The following RBM45 variants were observed in gnomAD, a reference collection of about 807,000 sequenced individuals.
RBM45 encodes RNA-binding protein 45.
A neutral mutation model predicts 58.5 loss-of-function variants in RBM45; 39 were observed. The ratio of observed to expected loss-of-function variants is 0.67; its 90% CI spans 0.52 to 0.87. The LOEUF is 0.87. Ranked by LOEUF, RBM45 falls within the 40% of genes least tolerant of loss-of-function variation. RBM45 has a pLI of 0.00. For missense variants in RBM45, 481 were observed against 581.6 expected (o/e 0.83, Z 1.78); for synonymous variants, 193 against 203.0 (o/e 0.95, Z 0.42).
chr2:178,131,464 G>A (rs907515952), downstream of RBM45, among the ~76,000 whole-genome samples: 2 of 152,150 alleles, frequency 1.3e-5, no homozygotes, highest in African/African-American at 4.8e-5. Context: ...TTCTAGGAGA[G>A]CTTGAATCTG....
downstream of RBM45, among the ~76,000 whole-genome samples, chr2:178,134,570 G>GT (rs67918616): frequency 0.33 from 49,364 of 149,182 alleles, 8,271 homozygotes; most frequent in African/African-American, 0.39. Flanking sequence ...TGCTTGCTCT[G>GT]TTTTTTTTTG....
intron 9 of RBM45, among the ~76,000 whole-genome samples, chr2:178,127,994 C>CTTTTT (rs3067447): frequency 2.8e-5 from 2 of 72,530 alleles, no homozygotes; most frequent in East Asian, 4.5e-4. Context: ...TCTCTACGCC[C>CTTTTT]TTTTTTTTTT....
intron 8 of RBM45, chr2:178,125,694 TAGAA>T (rs1231630128): frequency 8.9e-6 from 5 of 562,652 alleles, no homozygotes; most frequent in African/African-American, 5.6e-5. Context: ...ATTTATGTTT[TAGAA>T]AGATCACTCA....
chr2:178,134,973 C>T (rs572050706), intron 3 of RBM45, among the ~76,000 whole-genome samples: 12 of 152,282 alleles, frequency 7.9e-5, no homozygotes, highest in African/African-American at 2.9e-4. Context: ...CGCCACTGCA[C>T]TCCAGCCTGG....
At chr2:178,138,699 A>C (rs1319603958) in exon 4 of RBM45, 1 of 152,198 alleles carries the variant, frequency 6.6e-6, no homozygotes, top group African/African-American at 2.4e-5. Context: ...GTCGGTGAGT[A>C]TTGAAATCAT....
rs756855717 is a variant in RBM45 at position 178,118,074 on chromosome 2, A to T, written c.443A>T (p.Tyr148Phe). ...TCTTAGGTGTATGGAGATATCGAGT[A>T]TTGCAGCATTATTAAGAATAAAGTG... ...EKFKVYGDIE[Y>F]CSIIKNKVTG... is the part of the protein sequence containing the mutation. The change falls in exon 3 of 10, where the codon TAT becomes TTT. Residue 148 changes from tyrosine to phenylalanine, a missense_variant. Physicochemically the swap from Tyr to Phe is conservative, Grantham distance 22. Coordinates refer to ENST00000286070, the MANE Select transcript of RBM45 (RefSeq NM_152945.4). The T allele has an allele frequency of 6.2e-7, 1 of 1,611,442 alleles. No homozygotes were observed. Among genetic ancestry groups the T allele is most frequent in the African/African-American group, 1.3e-5 (1 of 74,958 alleles).
At chr2:178,127,034 A>T (rs907435472) in intron 9 of RBM45, among the ~76,000 whole-genome samples, 1 of 151,888 alleles carries the variant, frequency 6.6e-6, no homozygotes, top group Admixed American at 6.6e-5. Context: ...CCTCCTGGAT[A>T]CAAGTGATTC....
At chr2:178,121,403 TACACACACACACACACACACACACAC>T (rs55710214) in intron 5 of RBM45, 44 bp downstream of exon 5, 2 of 593,380 alleles carry the variant, frequency 3.4e-6, no homozygotes, top group East Asian at 3.6e-5. Flanking sequence ...TATGTATATA[TACACACACACACACACACACACACAC>T]ACACACACAC....
intron 3 of RBM45, among the ~76,000 whole-genome samples, chr2:178,135,147 A>G (rs2088035246): frequency 6.6e-6 from 1 of 152,244 alleles, no homozygotes; most frequent in Admixed American, 6.5e-5. Context: ...TCGTAACTTA[A>G]TACAAGTGCC....
Position 178,127,056 on chromosome 2 carries a change from C to G in RBM45, c.*8+872C>G, listed in dbSNP as rs373429438. On this transcript the variant is annotated intron_variant, in intron 9 of 9. Transcript: ENST00000286070. ...GATACAAGTGATTCTTCTGCCTCAG[C>G]TTCCCCAGTAGCTGGGACTACAGGC... is the stretch of plus-strand genomic sequence containing the variant. Among the ~76,000 whole-genome samples, 11 of 152,256 alleles carry G rather than the reference C, an allele frequency of 7.2e-5. No homozygotes were observed. The East Asian group carries it at 1.7e-3, about 24-fold the overall frequency.
chr2:178,120,373 T>C lies in RBM45; in HGVS notation c.637T>C (p.Leu213=), dbSNP rs746126129. ...DYYSNMRQEA[L]GHEPRVNMFP... ...TTATAGTAATATGAGGCAAGAAGCTTTGGGACATGAACCTAGAGTAAATAT... is the reference window on the plus strand; with the variant it reads ...TTATAGTAATATGAGGCAAGAAGCTCTGGGACATGAACCTAGAGTAAATAT... The change falls in exon 4 of 10, where the codon TTG becomes CTG. Residue 213 remains leucine (L), a synonymous_variant. Coordinates refer to ENST00000286070, the MANE Select transcript of RBM45 (RefSeq NM_152945.4). 6.2e-7 allele frequency: 1 copy of C among 1,613,042 alleles called. No individual in the cohort carries two copies. The highest frequency in any genetic ancestry group is 1.3e-5 in the African/African-American group (1 of 74,882).
At chr2:178,133,608 A>G (rs2088022027), downstream of RBM45, among the ~76,000 whole-genome samples, 1 of 152,222 alleles carries the variant, frequency 6.6e-6, no homozygotes, top group Non-Finnish European at 1.5e-5. Context: ...AACTTTCAAT[A>G]GCTTTAATAA....
intron 9 of RBM45, among the ~76,000 whole-genome samples, chr2:178,127,412 A>G (rs981404252): frequency 6.6e-5 from 10 of 152,058 alleles, no homozygotes; most frequent in African/African-American, 2.2e-4. Flanking sequence ...TTTCTGACCA[A>G]TTGTGTGAGC....
Position 178,120,417 on chromosome 2 carries a change from G to A in RBM45, c.673+8G>A, listed in dbSNP as rs989419773. The A allele has an allele frequency of 1.9e-6, 3 of 1,605,926 alleles. No homozygotes were observed. The highest frequency in any genetic ancestry group is 2.5e-6 in the Non-Finnish European group (3 of 1,177,766). Reference sequence around the variant, plus strand: ...TAAATATGTTTCCATTTGGTAAGTAGGCAACCTTTACTTTTAATAGTATAA... The same window carrying A: ...TAAATATGTTTCCATTTGGTAAGTAAGCAACCTTTACTTTTAATAGTATAA... On this transcript the variant is annotated splice_region_variant and intron_variant, in intron 4 of 9. Transcript: ENST00000286070.
chr2:178,119,244 T>A (rs1368949948), intron 3 of RBM45, among the ~76,000 whole-genome samples: 1 of 152,160 alleles, frequency 6.6e-6, no homozygotes, highest in Non-Finnish European at 1.5e-5. Context: ...AAAATGTTCA[T>A]AAGTGTATGG....
chr2:178,138,545 C>A (rs334066), exon 4 of RBM45: 1 of 151,960 alleles, frequency 6.6e-6, no homozygotes, highest in Non-Finnish European at 1.5e-5. Flanking sequence ...GCCCAAGATT[C>A]CTCTACTCAT....
At chr2:178,130,592 C>CA (rs201085781), downstream of RBM45, among the ~76,000 whole-genome samples, 23 of 150,154 alleles carry the variant, frequency 1.5e-4, no homozygotes, top group South Asian at 6.3e-4. Flanking sequence ...AAAACTTTAA[C>CA]AAAAAAAAAT....
downstream of RBM45, among the ~76,000 whole-genome samples, chr2:178,130,237 G>A (rs334057): frequency 0.024 from 3,712 of 152,160 alleles, 141 homozygotes; most frequent in African/African-American, 0.085. Context: ...TAAAATTAGG[G>A]CCAGGGGTGG....
rs1251692035 is a variant in RBM45, at chr2:178,112,487, G to A, written c.-60G>A. 8 of 1,477,144 alleles carry A rather than the reference G, an allele frequency of 5.4e-6. No individual in the cohort carries two copies. The highest frequency in any genetic ancestry group is 7.4e-6 in the Non-Finnish European group (8 of 1,074,934). The allele number at this position is 1,477,144 out of a possible 1,614,324, so 91.5% of individuals were successfully genotyped here. A position where few individuals can be genotyped will look rare whatever the true frequency, so the allele number is the denominator to read the frequency against. ...GCAAAGGCTTGGGTGTGAGACAGCA[G>A]CGGTGGCAGACACCGCAGAAGCAAA... On this transcript the variant is annotated 5_prime_UTR_variant, in exon 1 of 10. Transcript: ENST00000286070.
Sources: gnomAD v4.1 joint callset for allele counts (sites outside exome capture counted in the v4.1 genomes callset) on GRCh38, gnomAD v4.1.1 for gene constraint, MANE v1.5 for transcripts, NCBI Gene and HGNC (gene_info 2026-07-23, HGNC 2026-07-21) for gene names.